Variants in PARD3B observed in about 807,000 individuals in gnomAD.
PARD3B encodes the protein partitioning defective 3 homolog B.
Under a neutral mutation model 130.2 loss-of-function variants are expected in PARD3B, and 103 were observed. That is an observed-to-expected ratio of 0.79 (90% confidence interval 0.67 to 0.93). PARD3B has a LOEUF of 0.93. Among genes scored for constraint, PARD3B ranks in the 40% least tolerant of loss-of-function variants. The pLI is 0.00. For synonymous variants in PARD3B, 583 were observed against 553.2 expected, an observed-to-expected ratio of 1.05 and a Z score of -0.76; for missense variants, 1,609 against 1,499.2, an observed-to-expected ratio of 1.07 and a Z score of -1.21.
intron 3 of PARD3B, among the ~76,000 whole-genome samples, chr2:205,023,358 G>A (rs1486298945): frequency 6.6e-6 from 1 of 151,864 alleles, no homozygotes; most frequent in African/African-American, 2.4e-5. Flanking sequence ...CCCACCTTTG[G>A]CCTTCCAGCA....
intron 21 of PARD3B, among the ~76,000 whole-genome samples, chr2:205,507,489 C>T (rs1268863306): frequency 1.3e-5 from 2 of 152,014 alleles, no homozygotes; most frequent in Admixed American, 6.6e-5. Context: ...GCTGGGATTA[C>T]AGGCTTGAGC....
At chr2:204,895,696 A>G (rs1465981933) in intron 2 of PARD3B, among the ~76,000 whole-genome samples, 1 of 152,104 alleles carries the variant, frequency 6.6e-6, no homozygotes, top group African/African-American at 2.4e-5. Flanking sequence ...TATCTTTAGG[A>G]TATATTATCC....
At chr2:204,788,230 G>A (rs1391190115) in intron 2 of PARD3B, among the ~76,000 whole-genome samples, 2 of 152,162 alleles carry the variant, frequency 1.3e-5, no homozygotes, top group African/African-American at 4.8e-5. Context: ...GCTGAGATAC[G>A]CTGATACTTT....
intron 3 of PARD3B, among the ~76,000 whole-genome samples, chr2:205,002,789 T>TA (rs1241730904): frequency 6.6e-6 from 1 of 152,226 alleles, no homozygotes; most frequent in Non-Finnish European, 1.5e-5. Flanking sequence ...CCACATTTCT[T>TA]ACAATGGGCG....
intron 9 of PARD3B, among the ~76,000 whole-genome samples, chr2:205,124,992 T>A (rs939230310): frequency 2.6e-5 from 4 of 152,206 alleles, no homozygotes; most frequent in Non-Finnish European, 5.9e-5. Flanking sequence ...TTCATTTATT[T>A]TTGTCTGAGG....
chr2:205,301,796 TCCTCGTC>T lies in PARD3B; in HGVS notation c.2630+96_2630+102del. Reference sequence around the variant, plus strand: ...GTACTCAGAAAAAAGCGCACGCTTTTCCTCGTCTTCAGCCAAATGCATACGGCTCTCA... The same window carrying T: ...GTACTCAGAAAAAAGCGCACGCTTTTTTCAGCCAAATGCATACGGCTCTCA... On this transcript the variant is annotated intron_variant, in intron 18 of 22. Transcript: ENST00000406610. This position sits in a 1 kb window ranked among gnomAD's most constrained non-coding sequence, Gnocchi z 5.2. 3 of 1,591,122 alleles carry T rather than the reference TCCTCGTC, an allele frequency of 1.9e-6. No individual in the cohort carries two copies. The highest frequency in any genetic ancestry group is 1.3e-5 in the African/African-American group (1 of 74,524).
chr2:205,580,582 T>A (rs2053927284), intron 22 of PARD3B, among the ~76,000 whole-genome samples: 1 of 152,180 alleles, frequency 6.6e-6, no homozygotes, highest in Non-Finnish European at 1.5e-5. Context: ...TTTTTAACTA[T>A]ACAAAAATTC....
rs1575849230 is a variant in PARD3B at position 205,121,489 on chromosome 2, A to G, written c.807-102A>G. ...AGGAATATTGATCGTGTCTCCTATG[A>G]TTAGCCACTGTGCTGCTCTTGGTTG... On this transcript the variant is annotated intron_variant, in intron 7 of 22. Coordinates refer to ENST00000406610, the MANE Select transcript of PARD3B (RefSeq NM_001302769.2). This position sits in a 1 kb window ranked among gnomAD's most constrained non-coding sequence, Gnocchi z 5.0. 1.0e-6 allele frequency: 1 copy of G among 965,302 alleles called. No homozygotes were observed. Among genetic ancestry groups the G allele is most frequent in the East Asian group, 2.4e-5 (1 of 41,696 alleles). The allele number at this position is 965,302 out of a possible 1,614,324, so 59.8% of individuals were successfully genotyped here.
Position 205,584,982 on chromosome 2 carries a change from G to A in PARD3B, c.3261-30474G>A, listed in dbSNP as rs574314693. Among the ~76,000 whole-genome samples, 1 of 152,310 alleles carries A rather than the reference G, an allele frequency of 6.6e-6. No individual in the cohort carries two copies. The highest frequency in any genetic ancestry group is 2.1e-4 in the South Asian group (1 of 4,828). On this transcript the variant is annotated intron_variant, in intron 22 of 22. Coordinates refer to ENST00000406610, the MANE Select transcript of PARD3B (RefSeq NM_001302769.2). This position sits in a 1 kb window ranked among gnomAD's most constrained non-coding sequence, Gnocchi z 5.5. Reference sequence around the variant, plus strand: ...TGCTTGCAACTTGTTGAAGGCACAGGTGTCTAATTGCGCCCACAAATGACC... The same window carrying A: ...TGCTTGCAACTTGTTGAAGGCACAGATGTCTAATTGCGCCCACAAATGACC...
chr2:204,712,561 C>T (rs138117095), intron 2 of PARD3B, among the ~76,000 whole-genome samples: 1,658 of 139,860 alleles, frequency 0.012, 32 homozygotes, highest in African/African-American at 0.04. Context: ...TTGCAATGAG[C>T]GGAGATCACG....
At chr2:204,570,738 A>G (rs766582700) in intron 1 of PARD3B, among the ~76,000 whole-genome samples, 2 of 150,460 alleles carry the variant, frequency 1.3e-5, no homozygotes, top group African/African-American at 2.4e-5. Flanking sequence ...ACTGAGGTGT[A>G]TGAGCTGTTG....
chr2:204,733,061 C>T (rs1246709905), intron 2 of PARD3B, among the ~76,000 whole-genome samples: 1 of 151,968 alleles, frequency 6.6e-6, no homozygotes, highest in African/African-American at 2.4e-5. Flanking sequence ...ATCTTGTTCC[C>T]CAACCTAGAA....
At chr2:204,697,129 G>A (rs2037647903) in intron 2 of PARD3B, among the ~76,000 whole-genome samples, 1 of 152,080 alleles carries the variant, frequency 6.6e-6, no homozygotes, top group Non-Finnish European at 1.5e-5. Context: ...TGATAACAGG[G>A]ATAGAAGTTG....
At chr2:205,507,315 C>T (rs1200815609) in intron 21 of PARD3B, among the ~76,000 whole-genome samples, 5 of 142,108 alleles carry the variant, frequency 3.5e-5, no homozygotes, top group Non-Finnish European at 6.1e-5. Context: ...CCGGGGTTCA[C>T]GGCATTCTCC....
At chr2:205,451,539 T>C (rs1575059206) in intron 20 of PARD3B, among the ~76,000 whole-genome samples, 1 of 152,182 alleles carries the variant, frequency 6.6e-6, no homozygotes, top group East Asian at 1.9e-4. Flanking sequence ...TCATAGTATA[T>C]AGTACTTTCG....
rs1381583482 is a variant in PARD3B at position 205,553,411 on chromosome 2, A to G, written c.3260+8A>G. On this transcript the variant is annotated splice_region_variant and intron_variant, in intron 22 of 22. Transcript: ENST00000406610. Reference sequence around the variant, plus strand: ...GTACGCATCCTTACCCAGGTAGATCACGGAGAGGTCTCCCATCTCCAGCTC... The same window carrying G: ...GTACGCATCCTTACCCAGGTAGATCGCGGAGAGGTCTCCCATCTCCAGCTC... 19 of 1,612,182 alleles carry G rather than the reference A, an allele frequency of 1.2e-5. 1 individual carries two copies. In the Middle Eastern group the frequency reaches 1.2e-3, roughly 98 times the overall value.
intron 2 of PARD3B, among the ~76,000 whole-genome samples, chr2:204,765,824 G>C (rs887147652): frequency 6.6e-6 from 1 of 152,128 alleles, no homozygotes; most frequent in Non-Finnish European, 1.5e-5. Flanking sequence ...GACAAGGACA[G>C]TTGAAATATT....
At chr2:205,531,964 G>A (rs1173380616) in intron 21 of PARD3B, among the ~76,000 whole-genome samples, 1 of 151,496 alleles carries the variant, frequency 6.6e-6, no homozygotes, top group Non-Finnish European at 1.5e-5. Context: ...TTCCTTGAAT[G>A]TTTTCTTCAC....
At chr2:204,609,846 G>C (rs892655491) in intron 1 of PARD3B, among the ~76,000 whole-genome samples, 10 of 152,120 alleles carry the variant, frequency 6.6e-5, no homozygotes, top group South Asian at 4.1e-4. Context: ...TTAAATGAGA[G>C]ACCTGGCTGT....
Sources: gnomAD v4.1 joint callset for allele counts (sites outside exome capture counted in the v4.1 genomes callset) on GRCh38, gnomAD v4.1.1 for gene constraint, Gnocchi (gnomAD v3.1) non-coding constraint, MANE v1.5 for transcripts, NCBI Gene and HGNC (gene_info 2026-07-23, HGNC 2026-07-21) for gene names.